The following DTNA variants were observed in gnomAD, a reference collection of about 807,000 sequenced individuals.
DTNA encodes dystrobrevin alpha.
Under a neutral mutation model 100.7 loss-of-function variants are expected in DTNA, and 43 were observed. The observed-to-expected ratio is 0.43, with a 90% CI of 0.33 to 0.55. DTNA has a LOEUF of 0.55. Among genes scored for constraint, DTNA ranks in the 20% least tolerant of loss-of-function variants. The pLI is 0.04. For missense variants in DTNA, 798 were observed against 953.9 expected (o/e 0.84, Z 2.15); for synonymous variants, 349 against 347.9 (o/e 1.00, Z -0.04).
rs1278048474 is a variant in DTNA at position 34,505,590 on chromosome 18, G to C, written c.-2+12076G>C. On this transcript the variant is annotated intron_variant, in intron 1 of 19. Transcript: ENST00000283365. ...TATTTTTCTATCTTGTAGCTCCCAT[G>C]TTCTTTTCTGTCACTCACATTCTGC... Among the ~76,000 whole-genome samples the C allele has an allele frequency of 2.0e-5, 3 of 151,968 alleles. No homozygotes were observed. The East Asian group carries it at 5.8e-4, about 29-fold the overall frequency.
intron 1 of DTNA, among the ~76,000 whole-genome samples, chr18:34,618,578 T>C (rs1170325486): frequency 6.6e-6 from 1 of 152,164 alleles, no homozygotes; most frequent in East Asian, 1.9e-4. Flanking sequence ...TATGTCATTT[T>C]TGGGGGATTA....
chr18:34,722,147 A>G (rs1173512097), intron 1 of DTNA, among the ~76,000 whole-genome samples: 1 of 152,206 alleles, frequency 6.6e-6, no homozygotes, highest in Non-Finnish European at 1.5e-5. Flanking sequence ...ATCTTCTGTT[A>G]GTAATGCTAA....
intron 1 of DTNA, among the ~76,000 whole-genome samples, chr18:34,652,996 A>G (rs1430652238): frequency 6.6e-6 from 1 of 152,134 alleles, no homozygotes; most frequent in Non-Finnish European, 1.5e-5. Context: ...CAGAACAATG[A>G]CTTTGTTTCA....
At chr18:34,879,500 C>A in intron 19 of DTNA, 51 bp from the exon 20 acceptor site, 1 of 1,592,802 alleles carries the variant, frequency 6.3e-7, no homozygotes, top group South Asian at 1.1e-5. Flanking sequence ...ATTTGCAGGT[C>A]ATAAAAAAAT....
At chr18:34,495,321 G>A (rs968215362) in intron 1 of DTNA, among the ~76,000 whole-genome samples, 7 of 152,166 alleles carry the variant, frequency 4.6e-5, no homozygotes, top group African/African-American at 1.7e-4. Context: ...AATTAACCAA[G>A]TGTCCTACAG....
intron 1 of DTNA, among the ~76,000 whole-genome samples, chr18:34,716,297 C>T (rs1373551969): frequency 6.6e-6 from 1 of 152,196 alleles, no homozygotes; most frequent in Non-Finnish European, 1.5e-5. Context: ...CACCGTGGCT[C>T]ACACCTGTTA....
At chr18:34,852,066 C>T in intron 15 of DTNA, 138 bp downstream of exon 15, 2 of 880,158 alleles carry the variant, frequency 2.3e-6, no homozygotes, top group South Asian at 1.5e-5. Flanking sequence ...GTGATGCTCA[C>T]TTCCAAAAAG....
At chr18:34,524,105 C>T (rs532681699) in intron 1 of DTNA, among the ~76,000 whole-genome samples, 1 of 152,158 alleles carries the variant, frequency 6.6e-6, no homozygotes, top group Non-Finnish European at 1.5e-5. Context: ...TTTATAGTTT[C>T]TCTTAGAGAT....
chr18:34,551,187 T>C (rs954028614), intron 1 of DTNA, among the ~76,000 whole-genome samples: 1 of 152,204 alleles, frequency 6.6e-6, no homozygotes, highest in Non-Finnish European at 1.5e-5. Context: ...TTAGCTCGCC[T>C]ATCTTATTCC....
intron 2 of DTNA, among the ~76,000 whole-genome samples, chr18:34,762,508 T>G (rs891455906): frequency 6.6e-6 from 1 of 152,234 alleles, no homozygotes; most frequent in Non-Finnish European, 1.5e-5. Flanking sequence ...AGTAGGTTTT[T>G]GGGTTTATAA....
chr18:34,507,378 A>G (rs1259066899), intron 1 of DTNA, among the ~76,000 whole-genome samples: 1 of 152,232 alleles, frequency 6.6e-6, no homozygotes, highest in Non-Finnish European at 1.5e-5. Context: ...CAGAATCTAT[A>G]TTTAAATCTA....
At chr18:34,547,866 A>G (rs1456776807) in intron 1 of DTNA, among the ~76,000 whole-genome samples, 2 of 152,164 alleles carry the variant, frequency 1.3e-5, no homozygotes, top group Admixed American at 1.3e-4. Flanking sequence ...CCTGGGTGCA[A>G]TCTGTCTCTG....
intron 1 of DTNA, among the ~76,000 whole-genome samples, chr18:34,534,718 C>T (rs2043510039): frequency 6.6e-6 from 1 of 152,028 alleles, no homozygotes; most frequent in African/African-American, 2.4e-5. Context: ...TGTTCACCTC[C>T]CACTAATGAG....
intron 20 of DTNA, among the ~76,000 whole-genome samples, chr18:34,881,241 A>G (rs1039556895): frequency 1.1e-4 from 17 of 152,102 alleles, no homozygotes; most frequent in Non-Finnish European, 2.4e-4. Context: ...ATAATTTAAT[A>G]TTTCTATTGT....
chr18:34,828,699 C>A (rs1420828761), intron 10 of DTNA, among the ~76,000 whole-genome samples: 2 of 152,052 alleles, frequency 1.3e-5, no homozygotes, highest in Non-Finnish European at 2.9e-5. Context: ...CAGAATATGG[C>A]AGAAAATGGG....
chr18:34,672,225 A>G (rs1014910998), intron 1 of DTNA, among the ~76,000 whole-genome samples: 1 of 151,950 alleles, frequency 6.6e-6, no homozygotes, highest in African/African-American at 2.4e-5. Context: ...ATTTATCTAT[A>G]CTTAGTTTTA....
intron 3 of DTNA, among the ~76,000 whole-genome samples, chr18:34,788,430 C>A (rs1004644769): frequency 6.6e-6 from 1 of 152,042 alleles, no homozygotes; most frequent in African/African-American, 2.4e-5. Context: ...CCCCCCAAAA[C>A]AACAATGTAG....
intron 2 of DTNA, among the ~76,000 whole-genome samples, chr18:34,764,068 T>G (rs538071583): frequency 4.6e-5 from 7 of 152,160 alleles, no homozygotes; most frequent in Non-Finnish European, 8.8e-5. Context: ...CAGGGGAAAC[T>G]AGATCAAATA....
At chr18:34,573,965 G>A (rs2047856806) in intron 1 of DTNA, 1 of 152,728 alleles carries the variant, frequency 6.5e-6, no homozygotes, top group Non-Finnish European at 1.5e-5. Context: ...GCACTGAAAT[G>A]TATTAGAATG....
Sources: gnomAD v4.1 joint callset for allele counts (sites outside exome capture counted in the v4.1 genomes callset) on GRCh38, gnomAD v4.1.1 for gene constraint, MANE v1.5 for transcripts, NCBI Gene and HGNC (gene_info 2026-07-23, HGNC 2026-07-21) for gene names.